The following ATG7 variants were observed in gnomAD, a reference collection of about 807,000 sequenced individuals.
ATG7 encodes the protein ubiquitin-like modifier-activating enzyme ATG7.
A neutral mutation model predicts 82.4 loss-of-function variants in ATG7; 70 were observed. The observed-to-expected ratio is 0.85, with a 90% CI of 0.70 to 1.04. The LOEUF (loss-of-function observed/expected upper bound fraction) is 1.04. Ranked by LOEUF, ATG7 falls within the 50% of genes least tolerant of loss-of-function variation. ATG7 has a pLI of 0.00. For missense variants in ATG7, 792 were observed against 864.3 expected, an observed-to-expected ratio of 0.92 and a Z score of 1.05; for synonymous variants, 287 against 313.0, an observed-to-expected ratio of 0.92 and a Z score of 0.88.
intron 20 of ATG7, among the ~76,000 whole-genome samples, chr3:11,528,038 C>A (rs114521567): frequency 1.3e-5 from 2 of 152,344 alleles, no homozygotes; most frequent in Admixed American, 1.3e-4. Flanking sequence ...AGATCACCCA[C>A]GTGTGGTCCC....
intron 20 of ATG7, among the ~76,000 whole-genome samples, chr3:11,488,860 TTC>T (rs1461653623): frequency 2.6e-5 from 4 of 152,320 alleles, no homozygotes; most frequent in East Asian, 1.9e-4. Flanking sequence ...TGGTCTAAAA[TTC>T]TCTTTTTTGG....
At chr3:11,393,862 G>A (rs1274789353) in intron 19 of ATG7, among the ~76,000 whole-genome samples, 1 of 152,044 alleles carries the variant, frequency 6.6e-6, no homozygotes, top group Non-Finnish European at 1.5e-5. Flanking sequence ...TGTATATTTT[G>A]TAGAGATAGG....
chr3:11,506,271 TC>T (rs1171452999), intron 20 of ATG7, among the ~76,000 whole-genome samples: 2 of 152,152 alleles, frequency 1.3e-5, no homozygotes, highest in Admixed American at 1.3e-4. Flanking sequence ...AGCTGCACCA[TC>T]CAGTGCGGTG....
intron 20 of ATG7, among the ~76,000 whole-genome samples, chr3:11,495,690 A>C (rs761280643): frequency 9.9e-5 from 15 of 152,108 alleles, no homozygotes; most frequent in Non-Finnish European, 1.9e-4. Flanking sequence ...CTGAAGCTGT[A>C]AGTCAGTCAT....
chr3:11,354,457 T>C (rs2075787361), intron 14 of ATG7, among the ~76,000 whole-genome samples: 2 of 152,002 alleles, frequency 1.3e-5, no homozygotes, highest in Non-Finnish European at 2.9e-5. Flanking sequence ...AGATCCATCC[T>C]GGCCAACATG....
chr3:11,468,731 G>T (rs949656349), intron 20 of ATG7, among the ~76,000 whole-genome samples: 1 of 152,142 alleles, frequency 6.6e-6, no homozygotes, highest in African/African-American at 2.4e-5. Context: ...TTGGGATGGG[G>T]ATGCTTCCTG....
intron 19 of ATG7, among the ~76,000 whole-genome samples, chr3:11,411,568 C>T (rs543439416): frequency 2.2e-4 from 30 of 138,412 alleles, no homozygotes; most frequent in African/African-American, 5.7e-4. Context: ...TGCAGTGAGC[C>T]GAGATCACGC....
At chr3:11,434,274 T>C (rs1040542949) in intron 20 of ATG7, among the ~76,000 whole-genome samples, 2 of 152,238 alleles carry the variant, frequency 1.3e-5, no homozygotes, top group Admixed American at 6.5e-5. Flanking sequence ...ATGACAAATA[T>C]GCCTTTGGAG....
At chr3:11,313,239 A>G in intron 7 of ATG7, 65 bp from the exon 8 acceptor site, 1 of 1,062,098 alleles carries the variant, frequency 9.4e-7, no homozygotes, top group South Asian at 1.6e-5. Context: ...AGCTACATTA[A>G]TAGATGCATT....
At chr3:11,351,986 T>A (rs935523886) in intron 14 of ATG7, among the ~76,000 whole-genome samples, 1 of 151,212 alleles carries the variant, frequency 6.6e-6, no homozygotes, top group African/African-American at 2.4e-5. Flanking sequence ...TATATCCTAA[T>A]GCTATCCCTC....
chr3:11,375,466 A>G (rs1196082601), intron 18 of ATG7, among the ~76,000 whole-genome samples: 1 of 152,208 alleles, frequency 6.6e-6, no homozygotes, highest in East Asian at 1.9e-4. Flanking sequence ...ACCATTTCAT[A>G]CTCACTAGGA....
At chr3:11,399,302 G>A (rs1008730047) in intron 19 of ATG7, among the ~76,000 whole-genome samples, 5 of 152,038 alleles carry the variant, frequency 3.3e-5, no homozygotes, top group Non-Finnish European at 5.9e-5. Flanking sequence ...GAGCTGAGAT[G>A]GTGCCACTCT....
the ATG7 span, among the ~76,000 whole-genome samples, chr3:11,572,339 T>C: frequency 6.6e-6 from 1 of 152,142 alleles, no homozygotes; most frequent in African/African-American, 2.4e-5. Context: ...GATTCCAATA[T>C]ATATTGGACT....
At chr3:11,483,940 G>T (rs967151764) in intron 20 of ATG7, among the ~76,000 whole-genome samples, 1 of 152,128 alleles carries the variant, frequency 6.6e-6, no homozygotes, top group Admixed American at 6.5e-5. Flanking sequence ...AGAAAGTATT[G>T]GGATAAATTC....
At chr3:11,398,272 A>G (rs1252297623) in intron 19 of ATG7, among the ~76,000 whole-genome samples, 1 of 152,154 alleles carries the variant, frequency 6.6e-6, no homozygotes, top group Non-Finnish European at 1.5e-5. Flanking sequence ...AGAAATACAT[A>G]TTCTTTTCAA....
At chr3:11,448,644 G>A (rs1319503079) in intron 20 of ATG7, among the ~76,000 whole-genome samples, 2 of 152,260 alleles carry the variant, frequency 1.3e-5, no homozygotes, top group Non-Finnish European at 2.9e-5. Flanking sequence ...TGAAGAGAAT[G>A]ATGGAGGCAA....
At chr3:11,561,891 CTTTTTTTTTTTTT>C (rs35380668), downstream of ATG7, among the ~76,000 whole-genome samples, 3 of 88,590 alleles carry the variant, frequency 3.4e-5, no homozygotes, top group Admixed American at 1.4e-4. Flanking sequence ...CTGCGCCAAA[CTTTTTTTTTTTTT>C]TTTTTTTTTT....
At chr3:11,289,590 G>A (rs1261510031) in intron 3 of ATG7, among the ~76,000 whole-genome samples, 1 of 152,208 alleles carries the variant, frequency 6.6e-6, no homozygotes, top group Non-Finnish European at 1.5e-5. Flanking sequence ...TTTGAAGGAT[G>A]TGCCTCTTAT....
intron 20 of ATG7, among the ~76,000 whole-genome samples, chr3:11,504,748 A>G (rs1220854526): frequency 6.6e-6 from 1 of 152,244 alleles, no homozygotes; most frequent in East Asian, 1.9e-4. Context: ...TCCAGGGAAA[A>G]CAATGTTGTA....
Sources: gnomAD v4.1 joint callset for allele counts (sites outside exome capture counted in the v4.1 genomes callset) on GRCh38, gnomAD v4.1.1 for gene constraint, MANE v1.5 for transcripts, NCBI Gene and HGNC (gene_info 2026-07-23, HGNC 2026-07-21) for gene names.